The following NAXD variants were observed in gnomAD, a reference collection of about 807,000 sequenced individuals.
The protein encoded by NAXD is ATP-dependent (S)-NAD(P)H-hydrate dehydratase.
A neutral mutation model predicts 35.8 loss-of-function variants in NAXD; 22 were observed. That is an observed-to-expected ratio of 0.62 (90% CI 0.44 to 0.88). The LOEUF (loss-of-function observed/expected upper bound fraction) is 0.88. Among genes scored for constraint, NAXD ranks in the 40% least tolerant of loss-of-function variants. The pLI is 0.00. For synonymous variants in NAXD, 189 were observed against 177.6 expected (o/e 1.06, Z -0.51); for missense variants, 428 against 437.7 (o/e 0.98, Z 0.20).
In NAXD at chr13:110,637,218, G is replaced by GCGCTCCAGTGTACCAGGA. The variant is rs1292592898; in HGVS notation, c.814_815insAGTGTACCAGGACGCTCC (p.Leu271_Leu272insGlnCysThrArgThrLeu). On this transcript the variant is annotated inframe_insertion, in exon 9 of 10. Transcript: ENST00000680254. ...CTCCCTGGGCGTCCTGGTACACTGG[G>GCGCTCCAGTGTACCAGGA]CGCTCCTTGCTGGACCACAGAAAAC... The GCGCTCCAGTGTACCAGGA allele has an allele frequency of 6.2e-7, 1 of 1,613,918 alleles. No homozygotes were observed. The highest frequency in any genetic ancestry group is 1.3e-5 in the African/African-American group (1 of 74,944).
Position 110,634,712 on chromosome 13 carries a change from A to C in NAXD, c.533A>C (p.His178Pro). The change falls in exon 7 of 10, where the codon CAT becomes CCT. Residue 178 changes from histidine (H) to proline (P), a missense_variant. His to Pro is a moderately conservative substitution (Grantham distance 77, BLOSUM62 -2). Coordinates refer to ENST00000680254, the MANE Select transcript of NAXD (RefSeq NM_001242882.2). ...WLVAQQPALI[H>P]GYRKAVLTPN... ...GTCGCTCAGCAGCCGGCCCTCATCC[A>C]TGGCTACCGGAAGGCTGTGCTCACT... The C allele has an allele frequency of 6.2e-7, 1 of 1,614,112 alleles. No individual in the cohort carries two copies. Among genetic ancestry groups the C allele is most frequent in the Non-Finnish European group, 8.5e-7 (1 of 1,180,032 alleles).
At chr13:110,632,523 T>C (rs1026429197) in intron 5 of NAXD, among the ~76,000 whole-genome samples, 9 of 152,154 alleles carry the variant, frequency 5.9e-5, no homozygotes, top group Non-Finnish European at 1.2e-4. Flanking sequence ...CACTGATTGG[T>C]GTGTTTACAA....
At chr13:110,616,071 C>CT (rs1291295098) in intron 1 of NAXD, 1 of 353,728 alleles carries the variant, frequency 2.8e-6, no homozygotes, top group African/African-American at 2.1e-5. Context: ...TAGGAGGGCC[C>CT]TGGGGCGCCG....
chr13:110,622,430 CT>C, intron 2 of NAXD, 64 bp downstream of exon 2: 2 of 1,531,726 alleles, frequency 1.3e-6, no homozygotes, highest in Non-Finnish European at 1.8e-6. Context: ...GCTTACCTGA[CT>C]GTCATTCACG....
Position 110,634,770 on chromosome 13 carries a change from C to T in NAXD, c.591C>T (p.Asp197=), listed in dbSNP as rs559466039. ...ACGTGGAGTTCAGCAGACTGTATGACGCTGTGGTGAGTCAGTGGACCCCCT... is the reference window on the plus strand; with the variant it reads ...ACGTGGAGTTCAGCAGACTGTATGATGCTGTGGTGAGTCAGTGGACCCCCT... The part of the protein sequence containing the change: ...PNHVEFSRLY[D]AVLRGPMDSD... Residue 197 remains aspartate, a synonymous_variant, in exon 7 of 10, where the codon GAC becomes GAT. Coordinates refer to ENST00000680254, the MANE Select transcript of NAXD (RefSeq NM_001242882.2). 3.3e-5 allele frequency: 54 copies of T among 1,612,204 alleles called. No homozygotes were observed. The highest frequency in any genetic ancestry group is 3.3e-5 in the Non-Finnish European group (39 of 1,178,440).
intron 5 of NAXD, among the ~76,000 whole-genome samples, chr13:110,632,840 G>T (rs1237216382): frequency 2.4e-5 from 3 of 126,360 alleles, no homozygotes; most frequent in African/African-American, 7.6e-5. Flanking sequence ...CTAAACACAG[G>T]GTGCTGATTG....
intron 1 of NAXD, among the ~76,000 whole-genome samples, chr13:110,621,900 G>C (rs1886280332): frequency 6.6e-6 from 1 of 151,728 alleles, no homozygotes; most frequent in African/African-American, 2.4e-5. Context: ...TGTGGTAGTA[G>C]ACACCTATAA....
At chr13:110,624,050 C>T (rs1404090268) in intron 2 of NAXD, among the ~76,000 whole-genome samples, 184 bp from the exon 3 acceptor site, 1 of 150,236 alleles carries the variant, frequency 6.7e-6, no homozygotes, top group African/African-American at 2.4e-5. Flanking sequence ...GGTTCATGTT[C>T]ATTGAACATT....
chr13:110,622,875 C>T (rs1482062526), intron 2 of NAXD, among the ~76,000 whole-genome samples: 1 of 152,148 alleles, frequency 6.6e-6, no homozygotes, highest in Non-Finnish European at 1.5e-5. Context: ...GCCGTGGCTC[C>T]TCTGTTTCTG....
chr13:110,627,425 C>A lies in NAXD; in HGVS notation c.333-14C>A, dbSNP rs749538253. Reference sequence around the variant, plus strand: ...ATTGTGGGTAACCATCCTGGCCTTCCTTTCCTTCTTTAGTGACAGCCCCAA... The same window carrying A: ...ATTGTGGGTAACCATCCTGGCCTTCATTTCCTTCTTTAGTGACAGCCCCAA... On this transcript the variant is annotated splice_polypyrimidine_tract_variant and intron_variant, in intron 4 of 9. Coordinates refer to ENST00000680254, the MANE Select transcript of NAXD (RefSeq NM_001242882.2). The A allele has an allele frequency of 8.8e-6, 14 of 1,594,998 alleles. No homozygotes were observed. The East Asian group carries it at 2.5e-4, about 28-fold the overall frequency.
intron 7 of NAXD, 131 bp from the exon 8 acceptor site, chr13:110,635,337 C>T (rs1886881952): frequency 9.4e-7 from 1 of 1,063,078 alleles, no homozygotes. Flanking sequence ...ACCTACATGG[C>T]CTTTAACAGG....
chr13:110,630,730 T>C (rs2139645084), intron 5 of NAXD, among the ~76,000 whole-genome samples: 1 of 152,308 alleles, frequency 6.6e-6, no homozygotes, highest in Admixed American at 6.5e-5. Flanking sequence ...AGTCTTTTGC[T>C]TGTGGGTGTC....
At chr13:110,633,487 T>TG (rs764833929) in intron 5 of NAXD, among the ~76,000 whole-genome samples, 81 of 152,212 alleles carry the variant, frequency 5.3e-4, no homozygotes, top group Non-Finnish European at 1.0e-3. Context: ...CACAGTGCAG[T>TG]GGTGGGCTGA....
chr13:110,619,725 G>C (rs954984471), intron 1 of NAXD, among the ~76,000 whole-genome samples: 4 of 152,098 alleles, frequency 2.6e-5, no homozygotes, highest in Admixed American at 6.5e-5. Flanking sequence ...GGTAGAAGCC[G>C]GGGATGCTGC....
chr13:110,616,092 GT>G, intron 1 of NAXD: 1 of 332,116 alleles, frequency 3.0e-6, no homozygotes, highest in Non-Finnish European at 5.5e-6. Context: ...TGGTGCGCTG[GT>G]CGGATCCGTC....
chr13:110,638,337 C>G lies in NAXD; in HGVS notation c.840-41C>G. On this transcript the variant is annotated intron_variant, in intron 9 of 9. Transcript: ENST00000680254. The surrounding 1 kb of genome is among the most constrained non-coding windows in gnomAD (Gnocchi z 5.4). ...GGTAGCTGCGGCCCCCGGACCACGA[C>G]GCCCACTTCCCCACACCTCCTGCTG... 1 of 1,613,676 alleles carries G rather than the reference C, an allele frequency of 6.2e-7. No individual in the cohort carries two copies. Among genetic ancestry groups the G allele is most frequent in the East Asian group, 2.2e-5 (1 of 44,866 alleles).
At chr13:110,618,688 T>A (rs330545) in intron 1 of NAXD, among the ~76,000 whole-genome samples, 35,922 of 152,158 alleles carry the variant, frequency 0.24, 5,512 homozygotes, top group African/African-American at 0.44. Flanking sequence ...TCTTATCATT[T>A]TAACAAAGCT....
intron 5 of NAXD, among the ~76,000 whole-genome samples, chr13:110,629,999 A>G (rs757192523): frequency 2.6e-5 from 4 of 151,726 alleles, no homozygotes; most frequent in Admixed American, 6.6e-5. Flanking sequence ...GCATGTGCTC[A>G]TTGGCTGTTT....
chr13:110,636,413 C>A (rs533312376), intron 8 of NAXD, among the ~76,000 whole-genome samples: 1 of 152,158 alleles, frequency 6.6e-6, no homozygotes, highest in African/African-American at 2.4e-5. Flanking sequence ...CAGCCTCGCA[C>A]GCCCTTGCAC....
Sources: gnomAD v4.1 joint callset for allele counts (sites outside exome capture counted in the v4.1 genomes callset) on GRCh38, gnomAD v4.1.1 for gene constraint, Gnocchi (gnomAD v3.1) non-coding constraint, MANE v1.5 for transcripts, NCBI Gene and HGNC (gene_info 2026-07-23, HGNC 2026-07-21) for gene names.